The following PCDH15 variants were observed in gnomAD, a reference collection of about 807,000 sequenced individuals.
PCDH15 encodes protocadherin-15.
A neutral mutation model predicts 178.5 loss-of-function variants in PCDH15; 129 were observed. The observed-to-expected ratio is 0.72, with a 90% confidence interval of 0.63 to 0.84. The LOEUF (loss-of-function observed/expected upper bound fraction) is 0.84, where lower values mean the gene tolerates loss of function less well. Among genes scored for constraint, PCDH15 ranks in the 40% least tolerant of loss-of-function variants. The pLI, the probability that PCDH15 is intolerant of heterozygous loss-of-function variation, is 0.00. For missense variants in PCDH15, 2,230 were observed against 2,099.9 expected (o/e 1.06, Z -1.21); for synonymous variants, 800 against 732.0 (o/e 1.09, Z -1.50).
chr10:53,946,362 A>G (rs1243564847), intron 23 of PCDH15, among the ~76,000 whole-genome samples: 1 of 152,148 alleles, frequency 6.6e-6, no homozygotes, highest in Non-Finnish European at 1.5e-5. Context: ...ACACTGACCT[A>G]AAATGTTTCT....
chr10:55,562,497 C>A (rs2132100601), intron 2 of PCDH15, among the ~76,000 whole-genome samples: 1 of 151,938 alleles, frequency 6.6e-6, no homozygotes, highest in African/African-American at 2.4e-5. Flanking sequence ...TGTGTAGAAT[C>A]AAACTGACTG....
chr10:53,966,681 T>C (rs2089054802), intron 21 of PCDH15, among the ~76,000 whole-genome samples: 1 of 152,056 alleles, frequency 6.6e-6, no homozygotes. Context: ...AAAAAAGTTA[T>C]AAACTTGATC....
chr10:54,940,233 T>C (rs933214887), intron 2 of PCDH15, among the ~76,000 whole-genome samples: 1 of 152,216 alleles, frequency 6.6e-6, no homozygotes, highest in Non-Finnish European at 1.5e-5. Context: ...TATTATATTG[T>C]GTTTCCATTT....
intron 2 of PCDH15, among the ~76,000 whole-genome samples, chr10:54,629,998 CA>C (rs536148300): frequency 1.1e-4 from 16 of 151,720 alleles, no homozygotes; most frequent in African/African-American, 2.2e-4. Context: ...ACAATAGCCA[CA>C]AAAAAAATTA....
At chr10:54,545,381 T>A (rs757915487) in intron 2 of PCDH15, among the ~76,000 whole-genome samples, 5 of 152,200 alleles carry the variant, frequency 3.3e-5, no homozygotes, top group Non-Finnish European at 7.4e-5. Context: ...TTTGTATCCA[T>A]GGAACTTATA....
intron 2 of PCDH15, among the ~76,000 whole-genome samples, chr10:55,015,379 A>T (rs1307656974): frequency 6.6e-6 from 1 of 151,862 alleles, no homozygotes; most frequent in East Asian, 1.9e-4. Flanking sequence ...TTATTTATTC[A>T]TTATAGAGAC....
intron 2 of PCDH15, among the ~76,000 whole-genome samples, chr10:55,448,533 A>C (rs1241049231): frequency 6.6e-6 from 1 of 152,014 alleles, no homozygotes; most frequent in African/African-American, 2.4e-5. Flanking sequence ...TTTCAGTAGG[A>C]AACTTGAGAA....
At chr10:54,562,233 C>G (rs2088278635) in intron 2 of PCDH15, among the ~76,000 whole-genome samples, 1 of 148,054 alleles carries the variant, frequency 6.8e-6, no homozygotes, top group Non-Finnish European at 1.5e-5. Context: ...TCAAGTGATT[C>G]ACCTGCCTTG....
intron 26 of PCDH15, among the ~76,000 whole-genome samples, chr10:53,889,171 T>C (rs1163016657): frequency 6.6e-6 from 1 of 151,998 alleles, no homozygotes; most frequent in Non-Finnish European, 1.5e-5. Flanking sequence ...TCAAAGAGCT[T>C]TTAAACAAGA....
At chr10:54,587,349 A>C (rs1317208655) in intron 2 of PCDH15, among the ~76,000 whole-genome samples, 1 of 152,198 alleles carries the variant, frequency 6.6e-6, no homozygotes, top group African/African-American at 2.4e-5. Flanking sequence ...AGTCCAGTGA[A>C]AATGGAGCTA....
At chr10:54,141,937 T>C (rs1032354218) in intron 14 of PCDH15, among the ~76,000 whole-genome samples, 3 of 152,312 alleles carry the variant, frequency 2.0e-5, no homozygotes, top group African/African-American at 4.8e-5. Context: ...CTTTGTTGTA[T>C]AGTATTTAAG....
chr10:54,382,483 G>T (rs1443644717), intron 3 of PCDH15, among the ~76,000 whole-genome samples: 1 of 152,076 alleles, frequency 6.6e-6, no homozygotes, highest in African/African-American at 2.4e-5. Context: ...CATACAAGAG[G>T]ATAGTGGGCA....
chr10:55,613,214 G>A (rs1388680106), intron 2 of PCDH15, among the ~76,000 whole-genome samples: 1 of 151,544 alleles, frequency 6.6e-6, no homozygotes, highest in African/African-American at 2.4e-5. Flanking sequence ...TCAATCTTAA[G>A]CCCCAAAATG....
At chr10:54,887,649 A>T (rs1031062356) in intron 3 of PCDH15, among the ~76,000 whole-genome samples, 1 of 152,128 alleles carries the variant, frequency 6.6e-6, no homozygotes, top group African/African-American at 2.4e-5. Context: ...AATTAAGAAG[A>T]AATGCATTTT....
chr10:54,905,316 T>C (rs1954700640), intron 2 of PCDH15, among the ~76,000 whole-genome samples: 3 of 152,130 alleles, frequency 2.0e-5, no homozygotes, highest in Non-Finnish European at 4.4e-5. Flanking sequence ...ATCATTATTT[T>C]ATCATCATAA....
chr10:53,866,529 T>C (rs1187903150), intron 27 of PCDH15, 113 bp downstream of exon 27: 6 of 742,330 alleles, frequency 8.1e-6, no homozygotes, highest in African/African-American at 1.8e-5. Flanking sequence ...AAAATAATAA[T>C]TATGTTTTTG....
chr10:55,107,142 C>T (rs921564067), intron 2 of PCDH15, among the ~76,000 whole-genome samples: 1 of 152,202 alleles, frequency 6.6e-6, no homozygotes, highest in Non-Finnish European at 1.5e-5. Context: ...CAGAAGAATT[C>T]TCTTTCAGAG....
At chr10:54,925,985 T>C (rs1473752064) in intron 2 of PCDH15, among the ~76,000 whole-genome samples, 1 of 152,154 alleles carries the variant, frequency 6.6e-6, no homozygotes, top group African/African-American at 2.4e-5. Flanking sequence ...CAATACTGTG[T>C]GTAATAGGAG....
rs1286002576 is a variant in PCDH15 at position 54,174,700 on chromosome 10, TTC to T, written c.1590+8742_1590+8743del. Among the ~76,000 whole-genome samples the T allele has an allele frequency of 5.7e-3, 565 of 99,374 alleles. 6 individuals carry two copies. The highest frequency in any genetic ancestry group is 0.02 in the African/African-American group (405 of 20,476). 65.2% of individuals were successfully genotyped at this position (99,374 alleles called of 152,430 possible). A position where few individuals can be genotyped will look rare whatever the true frequency, so the allele number is the denominator to read the frequency against. Reference sequence around the variant, plus strand: ...TCCTTCTTTCTTTTTTCTTTTTCTTTTCTTTTTTTTTTTTTTTTTTTTTGAGA... The same window carrying T: ...TCCTTCTTTCTTTTTTCTTTTTCTTTTTTTTTTTTTTTTTTTTTTTTGAGA... On this transcript the variant is annotated intron_variant, in intron 13 of 37. Transcript: ENST00000644397.
Sources: allele counts gnomAD v4.1 joint callset (sites outside exome capture counted in the v4.1 genomes callset), GRCh38; gene constraint gnomAD v4.1.1; transcripts MANE v1.5; gene names NCBI Gene and HGNC (gene_info 2026-07-23, HGNC 2026-07-21).